The following CRB1 variants were observed in gnomAD, a reference collection of about 807,000 sequenced individuals.
CRB1 encodes crumbs cell polarity complex component 1, also known as protein crumbs homolog 1.
Under a neutral mutation model 120.0 loss-of-function variants are expected in CRB1, and 83 were observed. The ratio of observed to expected loss-of-function variants is 0.69; its 90% CI spans 0.58 to 0.83. The LOEUF is 0.83. CRB1 is among the 40% of genes least tolerant of loss of function. The probability of loss-of-function intolerance (pLI) is 0.00; values close to 1 mark genes in which losing one functional copy is unlikely to be tolerated. For missense variants in CRB1, 1,699 were observed against 1,687.6 expected, an observed-to-expected ratio of 1.01 and a Z score of -0.12; for synonymous variants, 625 against 612.5, an observed-to-expected ratio of 1.02 and a Z score of -0.30.
chr1:197,421,732 C>G lies in CRB1; in HGVS notation c.1904C>G (p.Ser635Cys), dbSNP rs766150173. 1 of 1,614,014 alleles carries G rather than the reference C, an allele frequency of 6.2e-7. No individual in the cohort carries two copies. Among genetic ancestry groups the G allele is most frequent in the Non-Finnish European group, 8.5e-7 (1 of 1,180,044 alleles). ...CTGCTTAACTTCTATAATATGCCAT[C>G]CACACCTTCGTTTGTAGGCTGTCTC... Reference protein sequence around the residue: ...VALLNFYNMPSTPSFVGCLQD... With the variant: ...VALLNFYNMPCTPSFVGCLQD... Residue 635 changes from serine (S) to cysteine (C), a missense_variant, in exon 6 of 12, where the codon TCC becomes TGC. Physicochemically the swap from Ser to Cys is moderately radical, Grantham distance 112. Transcript: ENST00000367400.
chr1:197,432,401 CACAT>C (rs1340097601), intron 8 of CRB1, among the ~76,000 whole-genome samples: 1,138 of 111,904 alleles, frequency 0.01, 7 homozygotes, highest in Non-Finnish European at 0.014. Context: ...CACACACACA[CACAT>C]AGTAAAAAAC....
intron 4 of CRB1, among the ~76,000 whole-genome samples, chr1:197,355,502 G>A (rs899374942): frequency 6.6e-6 from 1 of 152,216 alleles, no homozygotes; most frequent in Non-Finnish European, 1.5e-5. Context: ...ATTGCGGGGG[G>A]CTCAGGCATG....
chr1:197,387,056 C>G (rs559415240), intron 5 of CRB1, among the ~76,000 whole-genome samples: 1 of 152,064 alleles, frequency 6.6e-6, no homozygotes, highest in East Asian at 1.9e-4. Flanking sequence ...TGACATCACT[C>G]CATTGGTCCT....
At chr1:197,386,626 C>T (rs1662229364) in intron 5 of CRB1, among the ~76,000 whole-genome samples, 1 of 152,116 alleles carries the variant, frequency 6.6e-6, no homozygotes, top group Admixed American at 6.6e-5. Flanking sequence ...ATGGTCAAAA[C>T]GGACTGCAAG....
At chr1:197,337,626 G>A (rs777661260) in intron 2 of CRB1, among the ~76,000 whole-genome samples, 1 of 151,952 alleles carries the variant, frequency 6.6e-6, no homozygotes, top group Non-Finnish European at 1.5e-5. Flanking sequence ...GAATACCTAT[G>A]GTATCTAAAC....
chr1:197,212,681 T>C, the CRB1 span, among the ~76,000 whole-genome samples: 7 of 152,034 alleles, frequency 4.6e-5, no homozygotes, highest in Non-Finnish European at 1.0e-4. Flanking sequence ...ATACTGATGG[T>C]TTCATCAGGG....
upstream of CRB1, among the ~76,000 whole-genome samples, chr1:197,265,396 CCTT>C (rs753467661): frequency 4.0e-4 from 61 of 151,046 alleles, 1 homozygote; most frequent in African/African-American, 3.4e-4. Context: ...ATTTTTCCTT[CCTT>C]CTTTTCTTAT....
In CRB1 at chr1:197,344,393, G is replaced by A. The variant is rs370277976; in HGVS notation, c.765G>A (p.Leu255=). 9.3e-6 allele frequency: 15 copies of A among 1,613,940 alleles called. No individual in the cohort carries two copies. The highest frequency in any genetic ancestry group is 1.2e-5 in the Non-Finnish European group (14 of 1,179,982). Residue 255 remains leucine (L), a synonymous_variant, in exon 3 of 12, where the codon CTG becomes CTA. Transcript: ENST00000367400. ...AYFCDCAPGF[L]GDHCELNTDE... ...TCTGCGACTGTGCCCCTGGATTCCT[G>A]GGGGATCACTGTGAACTCAACACTG...
At chr1:197,357,334 T>A in intron 5 of CRB1, 1 of 383,236 alleles carries the variant, frequency 2.6e-6, no homozygotes, top group South Asian at 2.6e-5. Flanking sequence ...TCAAATTTGA[T>A]AATGATGTTA....
chr1:197,434,071 A>G (rs1207421737), intron 8 of CRB1, among the ~76,000 whole-genome samples: 1 of 152,192 alleles, frequency 6.6e-6, no homozygotes, highest in Non-Finnish European at 1.5e-5. Context: ...TGCTCTGCTC[A>G]CATATAGCAT....
chr1:197,337,219 T>G (rs1453377787), intron 2 of CRB1, among the ~76,000 whole-genome samples: 1 of 152,158 alleles, frequency 6.6e-6, no homozygotes, highest in Non-Finnish European at 1.5e-5. Context: ...GAAATTATAA[T>G]CTATGAGCCA....
the CRB1 span, among the ~76,000 whole-genome samples, chr1:197,202,231 ACC>A: frequency 6.6e-6 from 1 of 152,148 alleles, no homozygotes; most frequent in Non-Finnish European, 1.5e-5. Flanking sequence ...TGGACTCCCC[ACC>A]GGCAAACAGG....
chr1:197,262,629 T>C, the CRB1 span, among the ~76,000 whole-genome samples: 2 of 152,186 alleles, frequency 1.3e-5, no homozygotes, highest in South Asian at 2.1e-4. Context: ...AATGATCTCA[T>C]TGCCCAGGTA....
the CRB1 span, among the ~76,000 whole-genome samples, chr1:197,230,393 T>A: frequency 2.6e-5 from 4 of 152,246 alleles, no homozygotes; most frequent in Non-Finnish European, 4.4e-5. Context: ...ATAAGATTTT[T>A]ATTTTTTTAA....
At chr1:197,354,825 ACCCCCCCCCCCCGCCCAC>A (rs1660362048) in intron 4 of CRB1, among the ~76,000 whole-genome samples, 9 of 14,208 alleles carry the variant, frequency 6.3e-4, no homozygotes, top group Non-Finnish European at 8.2e-4. Flanking sequence ...CCGCCCCCCC[ACCCCCCCCCCCCGCCCAC>A]CCCCCCCCCC....
At chr1:197,325,436 A>C (rs1000223585) in intron 1 of CRB1, among the ~76,000 whole-genome samples, 2 of 152,210 alleles carry the variant, frequency 1.3e-5, no homozygotes, top group South Asian at 4.1e-4. Flanking sequence ...GATGTAAGAC[A>C]CCATTCATTT....
intron 1 of CRB1, among the ~76,000 whole-genome samples, chr1:197,311,950 G>A (rs1038923502): frequency 1.3e-5 from 2 of 151,978 alleles, no homozygotes; most frequent in African/African-American, 4.8e-5. Context: ...TCTTTGTACA[G>A]AAACTTAAAT....
chr1:197,345,454 G>A (rs569463118), intron 3 of CRB1, among the ~76,000 whole-genome samples: 2 of 150,790 alleles, frequency 1.3e-5, no homozygotes, highest in Non-Finnish European at 2.9e-5. Flanking sequence ...GAGTCAAAAG[G>A]AGAGCAATAA....
intron 5 of CRB1, among the ~76,000 whole-genome samples, chr1:197,402,165 C>CA (rs1371379361): frequency 1.3e-5 from 2 of 152,130 alleles, no homozygotes; most frequent in Non-Finnish European, 2.9e-5. Context: ...GCCTAGTACT[C>CA]AATAGTTATT....
Sources: allele counts gnomAD v4.1 joint callset (sites outside exome capture counted in the v4.1 genomes callset), GRCh38; gene constraint gnomAD v4.1.1; transcripts MANE v1.5; gene names NCBI Gene and HGNC (gene_info 2026-07-23, HGNC 2026-07-21).